CTIF: variants seen among roughly 807,000 people sequenced by gnomAD.
CTIF encodes cap binding complex dependent translation initiation factor.
In CTIF, 21 loss-of-function variants were observed where a neutral mutation model predicts 66.0. The ratio of observed to expected loss-of-function variants is 0.32; its 90% CI spans 0.23 to 0.46. The LOEUF (loss-of-function observed/expected upper bound fraction) is 0.46, where lower values mean the gene tolerates loss of function less well. Ranked by LOEUF, CTIF falls within the 20% of genes least tolerant of loss-of-function variation. The pLI is 1.00. For synonymous variants in CTIF, 345 were observed against 326.4 expected (o/e 1.06, Z -0.62); for missense variants, 739 against 812.7 (o/e 0.91, Z 1.10).
chr18:48,645,615 G>A (rs2091016131), intron 3 of CTIF, among the ~76,000 whole-genome samples: 1 of 152,204 alleles, frequency 6.6e-6, no homozygotes, highest in Non-Finnish European at 1.5e-5. Flanking sequence ...CACGCCCCAT[G>A]GTGTCACTGG....
chr18:48,779,568 G>C (rs2146037345), intron 9 of CTIF, among the ~76,000 whole-genome samples: 1 of 152,356 alleles, frequency 6.6e-6, no homozygotes, highest in South Asian at 2.1e-4. Flanking sequence ...TGCTTTCAGA[G>C]CCTCCTCCCC....
chr18:48,746,691 C>T (rs1457852636), intron 7 of CTIF, among the ~76,000 whole-genome samples: 2 of 151,452 alleles, frequency 1.3e-5, no homozygotes, highest in Non-Finnish European at 2.9e-5. Context: ...TCTCTTCATC[C>T]AGAAACAGAG....
At chr18:48,656,251 T>C (rs1397883154) in intron 3 of CTIF, among the ~76,000 whole-genome samples, 2 of 152,234 alleles carry the variant, frequency 1.3e-5, no homozygotes, top group Non-Finnish European at 2.9e-5. Context: ...CTGAATAGAA[T>C]AACTGCATGC....
intron 6 of CTIF, among the ~76,000 whole-genome samples, chr18:48,685,030 A>ATTTTTTTTTTTTTTTTTTTTTTTTTTTT (rs35327726): frequency 7.5e-6 from 1 of 133,626 alleles, no homozygotes. Flanking sequence ...GTTTGTTTGT[A>ATTTTTTTTTTTTTTTTTTTTTTTTTTTT]TTTTTTTTTT....
At chr18:48,639,762 A>C (rs299721) in intron 3 of CTIF, among the ~76,000 whole-genome samples, 139,285 of 152,234 alleles carry the variant, frequency 0.91, 63,816 homozygotes, top group East Asian at 1. Context: ...TGGGGGCCGG[A>C]TCCTTGCTTC....
At chr18:48,800,697 T>C (rs1043631757) in intron 9 of CTIF, among the ~76,000 whole-genome samples, 5 of 152,142 alleles carry the variant, frequency 3.3e-5, no homozygotes, top group Admixed American at 2.0e-4. Flanking sequence ...CATCACGGTG[T>C]TTAGCCGTGT....
At chr18:48,818,110 C>T in intron 10 of CTIF, among the ~76,000 whole-genome samples, 1 of 152,224 alleles carries the variant, frequency 6.6e-6, no homozygotes, top group East Asian at 1.9e-4. Context: ...TTTTGAGAAG[C>T]AGGAATTTAG....
intron 1 of CTIF, among the ~76,000 whole-genome samples, chr18:48,603,499 G>GTGGGTGGATGGA (rs1568065430): frequency 3.0e-4 from 34 of 112,926 alleles, no homozygotes; most frequent in African/African-American, 1.0e-3. Flanking sequence ...GGGTGGGTGG[G>GTGGGTGGATGGA]TGGATGGATG....
At chr18:48,594,487 G>T (rs975412511) in intron 1 of CTIF, among the ~76,000 whole-genome samples, 4 of 152,144 alleles carry the variant, frequency 2.6e-5, no homozygotes, top group African/African-American at 9.7e-5. Context: ...AGGCCCAGGG[G>T]CTGAGGCCTG....
rs373941033 is a variant in CTIF, at chr18:48,627,770, G to A, written c.180+8025G>A. 9.0e-4 allele frequency among the ~76,000 whole-genome samples: 122 copies of A among 134,948 alleles called. 2 individuals carry two copies. The East Asian group carries it at 0.021, about 24-fold the overall frequency. The allele number at this position is 134,948 out of a possible 152,430, so 88.5% of individuals were successfully genotyped here. A position where few individuals can be genotyped will look rare whatever the true frequency, so the allele number is the denominator to read the frequency against. ...AAAGAAAAAGAAAGAAGACAGGGTT[G>A]GGGGGGAGGGTGGGGAGGAAGGAAG... is the stretch of plus-strand genomic sequence containing the variant. On this transcript the variant is annotated intron_variant, in intron 2 of 11. Transcript: ENST00000256413.
chr18:48,557,052 A>T (rs1038877430), intron 1 of CTIF, among the ~76,000 whole-genome samples: 1 of 152,134 alleles, frequency 6.6e-6, no homozygotes, highest in African/African-American at 2.4e-5. Context: ...TCTTATGATC[A>T]TAGGCAAATA....
intron 10 of CTIF, among the ~76,000 whole-genome samples, chr18:48,853,990 A>G (rs2069267544): frequency 6.6e-6 from 1 of 152,222 alleles, no homozygotes; most frequent in African/African-American, 2.4e-5. Flanking sequence ...TCAGAATGCC[A>G]TCTTTTACCC....
intron 10 of CTIF, among the ~76,000 whole-genome samples, chr18:48,831,961 G>A (rs940084180): frequency 6.6e-6 from 1 of 152,160 alleles, no homozygotes; most frequent in African/African-American, 2.4e-5. Flanking sequence ...GCGGTCTGGA[G>A]GCAGCTTCTG....
At chr18:48,736,099 C>T (rs1257317687) in intron 7 of CTIF, among the ~76,000 whole-genome samples, 1 of 152,200 alleles carries the variant, frequency 6.6e-6, no homozygotes, top group Non-Finnish European at 1.5e-5. Flanking sequence ...CAAGCCGCCT[C>T]TGGGTGCGAG....
chr18:48,654,979 G>C (rs542225056), intron 3 of CTIF, among the ~76,000 whole-genome samples: 17 of 152,130 alleles, frequency 1.1e-4, no homozygotes, highest in Admixed American at 7.9e-4. Flanking sequence ...TGTGTGGGGT[G>C]GGGGGCAGGG....
At chr18:48,663,352 G>A (rs2091378674) in intron 3 of CTIF, among the ~76,000 whole-genome samples, 1 of 152,158 alleles carries the variant, frequency 6.6e-6, no homozygotes, top group African/African-American at 2.4e-5. Context: ...ACTGAACTGT[G>A]AAGGAAGGCA....
At chr18:48,628,530 A>C (rs1457429818) in intron 2 of CTIF, among the ~76,000 whole-genome samples, 1 of 152,210 alleles carries the variant, frequency 6.6e-6, no homozygotes, top group Non-Finnish European at 1.5e-5. Flanking sequence ...TCCTGAGGCC[A>C]CACAGCAAGT....
intron 6 of CTIF, among the ~76,000 whole-genome samples, chr18:48,681,030 C>T (rs965087488): frequency 6.6e-6 from 1 of 152,204 alleles, no homozygotes; most frequent in African/African-American, 2.4e-5. Context: ...CAGGCTGACC[C>T]GCCGGCAGGC....
chr18:48,586,048 G>A (rs1056862355), intron 1 of CTIF, among the ~76,000 whole-genome samples: 4 of 152,122 alleles, frequency 2.6e-5, no homozygotes, highest in African/African-American at 7.2e-5. Flanking sequence ...GATGCCTGTC[G>A]CAGGGGTGGT....
Sources: allele counts gnomAD v4.1 joint callset (sites outside exome capture counted in the v4.1 genomes callset), GRCh38; gene constraint gnomAD v4.1.1; transcripts MANE v1.5; gene names NCBI Gene and HGNC (gene_info 2026-07-23, HGNC 2026-07-21).